Variants in SYT17 observed in about 807,000 individuals in gnomAD.
SYT17 encodes the protein synaptotagmin 17, also known as synaptotagmin-17.
In SYT17, 22 loss-of-function variants were observed where a neutral mutation model predicts 46.7. The ratio of observed to expected loss-of-function variants is 0.47; its 90% CI spans 0.34 to 0.67. The LOEUF (loss-of-function observed/expected upper bound fraction) is 0.67. SYT17 is among the 30% of genes least tolerant of loss of function. The pLI is 0.01. For missense variants in SYT17, 519 were observed against 612.8 expected, an observed-to-expected ratio of 0.85 and a Z score of 1.62; for synonymous variants, 251 against 248.4, an observed-to-expected ratio of 1.01 and a Z score of -0.10.
intron 3 of SYT17, among the ~76,000 whole-genome samples, chr16:19,179,399 A>AT (rs978279601): frequency 2.0e-5 from 3 of 151,976 alleles, no homozygotes; most frequent in African/African-American, 4.8e-5. Context: ...CAAAGTTTAC[A>AT]TTCTTCACAA....
chr16:19,212,814 G>A (rs1161812502), intron 5 of SYT17, among the ~76,000 whole-genome samples: 1 of 152,164 alleles, frequency 6.6e-6, no homozygotes, highest in Non-Finnish European at 1.5e-5. Flanking sequence ...TCCTTGGGAG[G>A]GCTGAACCCA....
chr16:19,213,205 A>G (rs932405447), intron 5 of SYT17, among the ~76,000 whole-genome samples: 1 of 152,264 alleles, frequency 6.6e-6, no homozygotes, highest in Non-Finnish European at 1.5e-5. Flanking sequence ...AGGTCTAGTC[A>G]TCATGAGAGT....
At position 19,219,408 on chromosome 16, in the gene SYT17, C is replaced by CA. The variant is rs1245756343; in HGVS notation, c.952-3599dup. 3.0e-3 allele frequency among the ~76,000 whole-genome samples: 4 copies of CA among 1,344 alleles called. 1 individual carries two copies. Among genetic ancestry groups the CA allele is most frequent in the African/African-American group, 0.012 (3 of 254 alleles). The allele number at this position is 1,344 out of a possible 152,430, so 0.9% of individuals were successfully genotyped here. On this transcript the variant is annotated intron_variant, in intron 5 of 7. Transcript: ENST00000355377. ...TGGGCGACAGAGCGAGACTCCGTCT[C>CA]AAAAAAAAAAAAAAAAAAAAAAAAA...
intron 5 of SYT17, among the ~76,000 whole-genome samples, chr16:19,191,395 C>A (rs1238576155): frequency 2.0e-5 from 3 of 152,158 alleles, no homozygotes; most frequent in Non-Finnish European, 4.4e-5. Flanking sequence ...CAGAGAGTTG[C>A]CTTGCCCCTT....
At position 19,195,723 on chromosome 16, in the gene SYT17, C is replaced by T. The variant is rs146355065; in HGVS notation, c.951+11576C>T. Among the ~76,000 whole-genome samples the T allele has an allele frequency of 2.4e-3, 363 of 151,888 alleles. 2 individuals carry two copies. Among genetic ancestry groups the T allele is most frequent in the African/African-American group, 7.9e-3 (327 of 41,436 alleles). On this transcript the variant is annotated intron_variant, in intron 5 of 7. Transcript: ENST00000355377. ...TGAAGGAGCAAGACTCCATCTCACT[C>T]CTGTAATCCTAGCACTTTGGGAGGC...
chr16:19,252,482 C>T (rs866671110), intron 7 of SYT17, among the ~76,000 whole-genome samples: 1 of 4,840 alleles, frequency 2.1e-4, no homozygotes, highest in Non-Finnish European at 2.9e-4. Context: ...TATATATATA[C>T]ATATATATAT....
At chr16:19,232,148 A>G (rs939537130) in intron 7 of SYT17, among the ~76,000 whole-genome samples, 6 of 152,154 alleles carry the variant, frequency 3.9e-5, no homozygotes, top group Admixed American at 6.5e-5. Context: ...AGACCCCCAC[A>G]CCCTGCTGCC....
rs567086663 is a variant in SYT17, at chr16:19,218,798, C to G, written c.952-4247C>G. Among the ~76,000 whole-genome samples, 13 of 152,322 alleles carry G rather than the reference C, an allele frequency of 8.5e-5. No homozygotes were observed. The East Asian group carries it at 1.4e-3, about 16-fold the overall frequency. On this transcript the variant is annotated intron_variant, in intron 5 of 7. Coordinates refer to ENST00000355377, the MANE Select transcript of SYT17 (RefSeq NM_016524.4). ...TGGTTCCTGTAGGCGTCTCTAGAAT[C>G]CATTCATTCTGCCCACACTGGCCTT...
At position 19,184,154 on chromosome 16, in the gene SYT17, G is replaced by A; in HGVS notation, c.951+7G>A. ...GCTGATTCCCAGTTCTCAGGTAAGG[G>A]ATGGGTTTGTGGTGTTTCCTCCTGG... is the stretch of plus-strand genomic sequence containing the variant. On this transcript the variant is annotated splice_region_variant and intron_variant, in intron 5 of 7. Coordinates refer to ENST00000355377, the MANE Select transcript of SYT17 (RefSeq NM_016524.4). The A allele has an allele frequency of 6.2e-7, 1 of 1,611,256 alleles. No homozygotes were observed. The highest frequency in any genetic ancestry group is 1.1e-5 in the South Asian group (1 of 91,030).
chr16:19,180,064 C>G, intron 3 of SYT17: 1 of 283,252 alleles, frequency 3.5e-6, no homozygotes, highest in South Asian at 5.5e-5. Context: ...TGACAGGTCT[C>G]GGGCTTCACT....
chr16:19,241,726 C>T (rs1270757350), intron 7 of SYT17, among the ~76,000 whole-genome samples: 2 of 152,180 alleles, frequency 1.3e-5, no homozygotes, highest in African/African-American at 2.4e-5. Flanking sequence ...TGCGCCCTCC[C>T]CACAGCTACG....
chr16:19,235,723 GCAGATCAA>G (rs1321033568), intron 7 of SYT17, among the ~76,000 whole-genome samples: 3 of 152,178 alleles, frequency 2.0e-5, no homozygotes, highest in South Asian at 2.1e-4. Flanking sequence ...GAAAATGTCA[GCAGATCAA>G]CAGAGAAATA....
chr16:19,168,426 A>G lies in SYT17; in HGVS notation c.-221A>G. ...GGCGCCCGATATCTCCGAACCGGGG[A>G]GGCGGCCCCGATTCCGAGAGCCGGA... On this transcript the variant is annotated 5_prime_UTR_variant, in exon 1 of 8. Transcript: ENST00000355377. The surrounding 1 kb of genome is among the most constrained non-coding windows in gnomAD (Gnocchi z 6.9). The G allele has an allele frequency of 1.7e-6, 1 of 604,306 alleles. No individual in the cohort carries two copies. The allele number at this position is 604,306 out of a possible 1,614,324, so 37.4% of individuals were successfully genotyped here.
chr16:19,253,617 G>T (rs1968348714), intron 7 of SYT17, among the ~76,000 whole-genome samples: 1 of 150,860 alleles, frequency 6.6e-6, no homozygotes, highest in African/African-American at 2.4e-5. Flanking sequence ...TCCAGCCTGG[G>T]CAATGGAGCA....
intron 3 of SYT17, among the ~76,000 whole-genome samples, chr16:19,175,484 A>G (rs1964277114): frequency 6.6e-6 from 1 of 151,994 alleles, no homozygotes; most frequent in South Asian, 2.1e-4. Context: ...TGAGACCCCT[A>G]TCTCTACAAA....
intron 5 of SYT17, among the ~76,000 whole-genome samples, chr16:19,204,685 A>G (rs1347840232): frequency 6.6e-6 from 1 of 152,046 alleles, no homozygotes; most frequent in African/African-American, 2.4e-5. Context: ...GGCACTTGTG[A>G]AACATTCTGA....
rs202103939 is a variant in SYT17 at position 19,267,976 on chromosome 16, A to C, written c.*900A>C. Reference sequence around the variant, plus strand: ...TGTGTGTGTGTGTGTGTGTGTGTAAAGTAAATAGGATATGATAGAGCAAAA... The same window carrying C: ...TGTGTGTGTGTGTGTGTGTGTGTAACGTAAATAGGATATGATAGAGCAAAA... On this transcript the variant is annotated 3_prime_UTR_variant, in exon 8 of 8. Coordinates refer to ENST00000355377, the MANE Select transcript of SYT17 (RefSeq NM_016524.4). 1 of 84,706 alleles carries C rather than the reference A, an allele frequency of 1.2e-5. No homozygotes were observed. The highest frequency in any genetic ancestry group is 5.2e-4 in the East Asian group (1 of 1,914). The allele number at this position is 84,706 out of a possible 1,614,324, so 5.2% of individuals were successfully genotyped here.
intron 5 of SYT17, among the ~76,000 whole-genome samples, chr16:19,211,681 C>T (rs996154929): frequency 7.3e-5 from 11 of 150,990 alleles, no homozygotes; most frequent in African/African-American, 2.2e-4. Flanking sequence ...AGTGCAGTGG[C>T]GGGATCTCAG....
At chr16:19,199,981 T>A (rs190198463) in intron 5 of SYT17, among the ~76,000 whole-genome samples, 1 of 152,230 alleles carries the variant, frequency 6.6e-6, no homozygotes, top group Non-Finnish European at 1.5e-5. Context: ...CTATCCCTAT[T>A]GTACAGATAA....
Sources: gnomAD v4.1 joint callset for allele counts (sites outside exome capture counted in the v4.1 genomes callset) on GRCh38, gnomAD v4.1.1 for gene constraint, Gnocchi (gnomAD v3.1) non-coding constraint, MANE v1.5 for transcripts, NCBI Gene and HGNC (gene_info 2026-07-23, HGNC 2026-07-21) for gene names.